Variants in SLC14A2 observed in about 807,000 individuals in gnomAD.
SLC14A2 encodes solute carrier family 14 member 2, also known as urea transporter 2.
Under a neutral mutation model 104.6 loss-of-function variants are expected in SLC14A2, and 91 were observed. The ratio of observed to expected loss-of-function variants is 0.87; its 90% confidence interval spans 0.73 to 1.04. SLC14A2 has a LOEUF of 1.04. Among genes scored for constraint, SLC14A2 ranks in the 50% least tolerant of loss-of-function variants. SLC14A2 has a pLI of 0.00. For synonymous variants in SLC14A2, 476 were observed against 466.4 expected (o/e 1.02, Z -0.27); for missense variants, 1,189 against 1,156.0 (o/e 1.03, Z -0.41).
chr18:45,680,590 G>T (rs1278596386), intron 19 of SLC14A2, among the ~76,000 whole-genome samples: 1 of 152,140 alleles, frequency 6.6e-6, no homozygotes, highest in Admixed American at 6.5e-5. Context: ...TTTTCTAAGT[G>T]GCACATGTAT....
chr18:45,355,004 A>T (rs1301048722), intron 1 of SLC14A2, among the ~76,000 whole-genome samples: 2 of 152,206 alleles, frequency 1.3e-5, no homozygotes, highest in Non-Finnish European at 2.9e-5. Context: ...GAAAGATAAA[A>T]TTATGGAAGA....
chr18:45,198,347 TC>T, the SLC14A2 span, among the ~76,000 whole-genome samples: 1 of 152,142 alleles, frequency 6.6e-6, no homozygotes. Context: ...CACCCAATAC[TC>T]AACCACTATC....
At chr18:45,623,673 G>T (rs1034190310) in intron 1 of SLC14A2, among the ~76,000 whole-genome samples, 3 of 152,114 alleles carry the variant, frequency 2.0e-5, no homozygotes, top group Admixed American at 6.5e-5. Context: ...ATCCTTGAGC[G>T]GTGTCTGGAA....
chr18:45,252,300 T>C (rs1283826014), intron 1 of SLC14A2, among the ~76,000 whole-genome samples: 3 of 152,238 alleles, frequency 2.0e-5, no homozygotes, highest in Non-Finnish European at 2.9e-5. Flanking sequence ...GATGAGATGC[T>C]AGAATTTTGA....
At chr18:45,608,292 C>T (rs919825145) in intron 2 of SLC14A2, among the ~76,000 whole-genome samples, 1 of 152,160 alleles carries the variant, frequency 6.6e-6, no homozygotes, top group African/African-American at 2.4e-5. Flanking sequence ...GTGAACAACC[C>T]CAGAAAAGAT....
At chr18:45,673,566 A>T in intron 17 of SLC14A2, 117 bp from the exon 18 acceptor site, 1 of 1,149,450 alleles carries the variant, frequency 8.7e-7, no homozygotes, top group Non-Finnish European at 1.2e-6. Context: ...TCCTTTTTGT[A>T]TAACTACCTA....
At chr18:45,617,392 G>A (rs1457855023) in intron 1 of SLC14A2, among the ~76,000 whole-genome samples, 1 of 152,128 alleles carries the variant, frequency 6.6e-6, no homozygotes, top group Non-Finnish European at 1.5e-5. Context: ...CCAGTCCTCA[G>A]AGGACCCAGA....
At chr18:45,559,870 A>C (rs1002144661) in intron 2 of SLC14A2, among the ~76,000 whole-genome samples, 1 of 152,168 alleles carries the variant, frequency 6.6e-6, no homozygotes. Context: ...CATTAGCTGA[A>C]AGTACCAGGT....
chr18:45,261,676 G>A (rs920254713), intron 1 of SLC14A2, among the ~76,000 whole-genome samples: 1 of 151,568 alleles, frequency 6.6e-6, no homozygotes, highest in Non-Finnish European at 1.5e-5. Context: ...TTTTGTCCTT[G>A]TGGTAGTTTA....
intron 2 of SLC14A2, among the ~76,000 whole-genome samples, chr18:45,589,854 C>T (rs928508542): frequency 1.3e-5 from 2 of 152,020 alleles, no homozygotes; most frequent in East Asian, 1.9e-4. Context: ...AGGAGGGAGG[C>T]GCTATTGAAG....
At chr18:45,415,987 G>A (rs2086272783) in intron 1 of SLC14A2, among the ~76,000 whole-genome samples, 1 of 152,102 alleles carries the variant, frequency 6.6e-6, no homozygotes, top group African/African-American at 2.4e-5. Context: ...ATTGATGCTG[G>A]CAAACTCGAA....
chr18:45,225,131 T>A (rs976812489), intron 1 of SLC14A2, among the ~76,000 whole-genome samples: 3 of 152,160 alleles, frequency 2.0e-5, no homozygotes, highest in Non-Finnish European at 4.4e-5. Context: ...CTAGGTCTTA[T>A]GTTTAAGTCT....
intron 2 of SLC14A2, among the ~76,000 whole-genome samples, chr18:45,597,088 C>T (rs948814552): frequency 3.3e-5 from 5 of 152,194 alleles, no homozygotes; most frequent in Non-Finnish European, 5.9e-5. Flanking sequence ...GAGGCCGAGG[C>T]GGGTGGATTA....
At chr18:45,358,639 A>G (rs1307869702) in intron 1 of SLC14A2, among the ~76,000 whole-genome samples, 1 of 152,210 alleles carries the variant, frequency 6.6e-6, no homozygotes, top group African/African-American at 2.4e-5. Flanking sequence ...GAGCAGTGAC[A>G]TAATTATAGC....
chr18:45,492,973 C>T (rs2043028960), intron 2 of SLC14A2: 1 of 152,202 alleles, frequency 6.6e-6, no homozygotes, highest in South Asian at 2.1e-4. Flanking sequence ...GTCTTTGAAA[C>T]TTTTTCGCCC....
At chr18:45,341,149 T>C (rs1342780405) in intron 1 of SLC14A2, among the ~76,000 whole-genome samples, 2 of 151,162 alleles carry the variant, frequency 1.3e-5, no homozygotes, top group African/African-American at 4.9e-5. Flanking sequence ...CTCAGGCATT[T>C]CTCATATTTA....
intron 2 of SLC14A2, among the ~76,000 whole-genome samples, chr18:45,553,969 A>G (rs1271772861): frequency 2.6e-5 from 4 of 152,230 alleles, no homozygotes; most frequent in African/African-American, 9.6e-5. Flanking sequence ...GTGCTGCAAG[A>G]TCATTCCAAA....
At chr18:45,372,154 A>T (rs1223965649) in intron 1 of SLC14A2, among the ~76,000 whole-genome samples, 1 of 152,056 alleles carries the variant, frequency 6.6e-6, no homozygotes, top group Admixed American at 6.6e-5. Context: ...TCTACTAAAA[A>T]TACAAAAATT....
intron 1 of SLC14A2, among the ~76,000 whole-genome samples, chr18:45,408,627 A>G (rs1165785102): frequency 2.6e-5 from 4 of 152,204 alleles, no homozygotes; most frequent in Non-Finnish European, 5.9e-5. Flanking sequence ...ATGTGGATTA[A>G]TGAGGCCATT....
Sources: gnomAD v4.1 joint callset for allele counts (sites outside exome capture counted in the v4.1 genomes callset) on GRCh38, gnomAD v4.1.1 for gene constraint, MANE v1.5 for transcripts, NCBI Gene and HGNC (gene_info 2026-07-23, HGNC 2026-07-21) for gene names.